The following LSAMP variants were observed in gnomAD, a reference collection of about 807,000 sequenced individuals.
LSAMP encodes the protein limbic system-associated membrane protein.
Under a neutral mutation model 38.6 loss-of-function variants are expected in LSAMP, and 7 were observed. That is an observed-to-expected ratio of 0.18 (90% CI 0.10 to 0.34). The LOEUF (loss-of-function observed/expected upper bound fraction) is 0.34, where lower values mean the gene tolerates loss of function less well. LSAMP is among the 10% of genes least tolerant of loss of function. The pLI is 1.00. For synonymous variants in LSAMP, 154 were observed against 166.8 expected (o/e 0.92, Z 0.59); for missense variants, 313 against 420.0 (o/e 0.75, Z 2.23).
intron 3 of LSAMP, 114 bp from the exon 4 acceptor site, chr3:115,852,731 T>C: frequency 9.3e-7 from 1 of 1,072,394 alleles, no homozygotes; most frequent in Non-Finnish European, 1.3e-6. Context: ...GATTTGAAAA[T>C]GTACTTTGTC....
intron 3 of LSAMP, among the ~76,000 whole-genome samples, chr3:115,893,283 A>G (rs1347489993): frequency 6.6e-6 from 1 of 152,036 alleles, no homozygotes; most frequent in East Asian, 1.9e-4. Flanking sequence ...GTATCCCAGA[A>G]CCTAAAGTAT....
intron 2 of LSAMP, among the ~76,000 whole-genome samples, chr3:116,059,602 T>G (rs948527308): frequency 5.3e-5 from 8 of 152,200 alleles, no homozygotes; most frequent in African/African-American, 1.7e-4. Flanking sequence ...GGGCTGAGTC[T>G]TTTTCAGCAG....
intron 1 of LSAMP, among the ~76,000 whole-genome samples, chr3:116,272,040 T>C (rs1234275477): frequency 6.6e-6 from 1 of 152,022 alleles, no homozygotes; most frequent in Admixed American, 6.6e-5. Context: ...AAGAGATGGA[T>C]GTAAAGATGG....
At chr3:116,266,169 C>A (rs1403836150) in intron 1 of LSAMP, among the ~76,000 whole-genome samples, 3 of 152,152 alleles carry the variant, frequency 2.0e-5, no homozygotes, top group Admixed American at 2.0e-4. Context: ...CTTTCTTCCC[C>A]ACACAAGGGG....
chr3:116,021,145 A>G (rs1172189010), intron 2 of LSAMP, among the ~76,000 whole-genome samples: 1 of 152,142 alleles, frequency 6.6e-6, no homozygotes, highest in Non-Finnish European at 1.5e-5. Flanking sequence ...GTCAAACCCA[A>G]TGGCAGCAGA....
intron 1 of LSAMP, among the ~76,000 whole-genome samples, chr3:116,282,984 C>A (rs1276390682): frequency 6.6e-6 from 1 of 152,188 alleles, no homozygotes; most frequent in Non-Finnish European, 1.5e-5. Context: ...ATGACCCTAT[C>A]AAGATTCCAT....
chr3:116,422,284 T>C (rs942690584), intron 1 of LSAMP, among the ~76,000 whole-genome samples: 3 of 151,528 alleles, frequency 2.0e-5, no homozygotes, highest in Non-Finnish European at 4.4e-5. Context: ...TCAACCAACC[T>C]CAGACTGAAA....
chr3:116,408,948 G>A (rs13070962), intron 1 of LSAMP, among the ~76,000 whole-genome samples: 45,913 of 151,890 alleles, frequency 0.3, 9,459 homozygotes, highest in African/African-American at 0.59. Flanking sequence ...GGAGATATAC[G>A]TTCTATTCCT....
In LSAMP at chr3:115,961,505, T is replaced by C. The variant is rs1424952565; in HGVS notation, c.514+58010A>G. ...AATCTGGCTTGAAGCATATTCACAG[T>C]GTATGTCACCACTAGGGAAGCTGAT... On this transcript the variant is annotated intron_variant, in intron 3 of 6. Transcript: ENST00000490035. Among the ~76,000 whole-genome samples the C allele has an allele frequency of 2.6e-5, 4 of 152,324 alleles. No individual in the cohort carries two copies. In the East Asian group the frequency reaches 7.7e-4, roughly 29 times the overall value.
rs1456193742 is a variant in LSAMP at position 115,810,040 on chromosome 3, C to T, written c.*277G>A. ...TCCTTAGTGTGGTGTAGTCTTTACA[C>T]AGCATACATTTGCTTAGTAGATATA... On this transcript the variant is annotated 3_prime_UTR_variant, in exon 7 of 7. Coordinates refer to ENST00000490035, the MANE Select transcript of LSAMP (RefSeq NM_002338.5). 6 of 347,242 alleles carry T rather than the reference C, an allele frequency of 1.7e-5. No homozygotes were observed. Among genetic ancestry groups the T allele is most frequent in the East Asian group, 6.4e-5 (1 of 15,640 alleles). The allele number at this position is 347,242 out of a possible 1,614,324, so 21.5% of individuals were successfully genotyped here. A position where few individuals can be genotyped will look rare whatever the true frequency, so the allele number is the denominator to read the frequency against.
intron 6 of LSAMP, among the ~76,000 whole-genome samples, chr3:115,839,495 C>A (rs1465966837): frequency 6.6e-6 from 1 of 152,052 alleles, no homozygotes; most frequent in Non-Finnish European, 1.5e-5. Flanking sequence ...AGGAGAGCTT[C>A]TCCCCCAAAA....
intron 3 of LSAMP, among the ~76,000 whole-genome samples, chr3:115,869,425 T>A (rs1470214476): frequency 6.6e-6 from 1 of 152,152 alleles, no homozygotes; most frequent in East Asian, 1.9e-4. Context: ...ACTTGACAAC[T>A]GTTATATGTC....
At chr3:116,436,510 C>G (rs2049350793) in intron 1 of LSAMP, among the ~76,000 whole-genome samples, 1 of 151,946 alleles carries the variant, frequency 6.6e-6, no homozygotes, top group South Asian at 2.1e-4. Flanking sequence ...AAGAAAAAAT[C>G]CCATCAAAAA....
chr3:116,074,967 G>C (rs1707704380), intron 2 of LSAMP, among the ~76,000 whole-genome samples: 1 of 149,258 alleles, frequency 6.7e-6, no homozygotes, highest in Non-Finnish European at 1.5e-5. Flanking sequence ...CTCCCGAGTA[G>C]CTGGAATTAC....
chr3:115,831,041 G>T (rs1934592402), intron 6 of LSAMP, among the ~76,000 whole-genome samples: 1 of 152,114 alleles, frequency 6.6e-6, no homozygotes, highest in African/African-American at 2.4e-5. Flanking sequence ...GTGGGGGTTT[G>T]TTTTGTTTTC....
At chr3:116,149,623 CT>C (rs56008913) in intron 1 of LSAMP, among the ~76,000 whole-genome samples, 147,542 of 151,902 alleles carry the variant, frequency 0.97, 71,798 homozygotes, top group East Asian at 1. Context: ...ATTTTCTGAT[CT>C]TTTGGGGGCT....
intron 1 of LSAMP, among the ~76,000 whole-genome samples, chr3:116,357,510 A>G (rs1198699759): frequency 6.6e-6 from 1 of 152,180 alleles, no homozygotes; most frequent in Admixed American, 6.5e-5. Context: ...ATTAAATAAT[A>G]TAATTTAAAA....
chr3:115,863,547 G>C (rs1396621822), intron 3 of LSAMP, among the ~76,000 whole-genome samples: 3 of 151,414 alleles, frequency 2.0e-5, no homozygotes, highest in Admixed American at 2.0e-4. Context: ...TTGTATATGT[G>C]TTATTCATAT....
chr3:116,194,456 A>G (rs916843052), intron 1 of LSAMP, among the ~76,000 whole-genome samples: 7 of 152,082 alleles, frequency 4.6e-5, no homozygotes, highest in Non-Finnish European at 7.4e-5. Flanking sequence ...GTACATTGGC[A>G]TGATCTCAGC....
Sources: allele counts gnomAD v4.1 joint callset (sites outside exome capture counted in the v4.1 genomes callset), GRCh38; gene constraint gnomAD v4.1.1; transcripts MANE v1.5; gene names NCBI Gene and HGNC (gene_info 2026-07-23, HGNC 2026-07-21).